LPXN: variants seen among roughly 807,000 people sequenced by gnomAD.
The protein encoded by LPXN is leupaxin.
Under a neutral mutation model 45.6 loss-of-function variants are expected in LPXN, and 28 were observed. The ratio of observed to expected loss-of-function variants is 0.61; its 90% CI spans 0.45 to 0.84. The LOEUF is 0.84. LPXN is among the 40% of genes least tolerant of loss of function. The pLI, the probability that LPXN is intolerant of heterozygous loss-of-function variation, is 0.00. For missense variants in LPXN, 459 were observed against 475.0 expected (o/e 0.97, Z 0.31); for synonymous variants, 166 against 169.9 (o/e 0.98, Z 0.18).
At chr11:58,559,827 G>C (rs1399739190) in intron 3 of LPXN, among the ~76,000 whole-genome samples, 2 of 152,158 alleles carry the variant, frequency 1.3e-5, no homozygotes, top group African/African-American at 4.8e-5. Flanking sequence ...AGTGAGCCAA[G>C]ATAACACCAC....
upstream of LPXN, chr11:58,578,077 G>A (rs1854961872): frequency 6.5e-7 from 1 of 1,549,450 alleles, no homozygotes; most frequent in South Asian, 1.2e-5. Flanking sequence ...CAGAGGAGGT[G>A]TCATCTGACC....
chr11:58,537,619 C>T (rs533544135), intron 7 of LPXN, among the ~76,000 whole-genome samples: 1 of 152,116 alleles, frequency 6.6e-6, no homozygotes, highest in African/African-American at 2.4e-5. Context: ...TGTAACAAAC[C>T]TGCACATTCT....
At chr11:58,528,007 T>C (rs1158846163) in intron 8 of LPXN, 36 bp downstream of exon 8, 2 of 1,596,852 alleles carry the variant, frequency 1.3e-6, no homozygotes, top group Non-Finnish European at 1.7e-6. Context: ...AACCCTTGAC[T>C]TTCCCTAAGT....
intron 3 of LPXN, among the ~76,000 whole-genome samples, chr11:58,555,988 G>C (rs973017222): frequency 1.3e-4 from 20 of 152,052 alleles, no homozygotes; most frequent in African/African-American, 4.3e-4. Flanking sequence ...AACAAAAACT[G>C]ACAGTTTTTG....
In LPXN at chr11:58,550,241, C is replaced by T. The variant is rs1003726393; in HGVS notation, c.487-95G>A. 4.3e-6 allele frequency: 5 copies of T among 1,154,160 alleles called. No homozygotes were observed. In the African/African-American group the frequency reaches 4.6e-5, roughly 11 times the overall value. 71.5% of individuals were successfully genotyped at this position (1,154,160 alleles called of 1,614,324 possible). A position where few individuals can be genotyped will look rare whatever the true frequency, so the allele number is the denominator to read the frequency against. On this transcript the variant is annotated intron_variant, in intron 5 of 8. Transcript: ENST00000395074. ...CTAGGGAGCACTCTTCACATTGTACCCCTTGTAGACAACACGCCCTGGAAT... is the reference window on the plus strand; with the variant it reads ...CTAGGGAGCACTCTTCACATTGTACTCCTTGTAGACAACACGCCCTGGAAT...
chr11:58,574,580 A>G (rs1854819332), intron 1 of LPXN, among the ~76,000 whole-genome samples: 1 of 152,106 alleles, frequency 6.6e-6, no homozygotes, highest in South Asian at 2.1e-4. Context: ...CCCCAAAAAA[A>G]AGAAAGAGAA....
At chr11:58,529,831 G>A (rs1196406393) in intron 7 of LPXN, among the ~76,000 whole-genome samples, 5 of 152,146 alleles carry the variant, frequency 3.3e-5, no homozygotes, top group Admixed American at 3.3e-4. Flanking sequence ...TCCAACTGAG[G>A]TAACCGGTTC....
At chr11:58,552,876 T>C (rs528968754) in intron 4 of LPXN, among the ~76,000 whole-genome samples, 2 of 152,322 alleles carry the variant, frequency 1.3e-5, no homozygotes, top group South Asian at 4.1e-4. Context: ...CTCTTCACTG[T>C]TATCTTCCAG....
chr11:58,565,940 G>T (rs1854515491), intron 2 of LPXN, among the ~76,000 whole-genome samples: 1 of 152,166 alleles, frequency 6.6e-6, no homozygotes, highest in Admixed American at 6.5e-5. Context: ...GGAGGTTGCA[G>T]CGAGCCAAGA....
chr11:58,537,478 A>G (rs1008319784), intron 7 of LPXN, among the ~76,000 whole-genome samples: 13 of 152,088 alleles, frequency 8.5e-5, no homozygotes, highest in African/African-American at 3.1e-4. Context: ...ACATGGCCAC[A>G]GGGAGGGGAA....
chr11:58,539,693 C>T (rs998489688), intron 7 of LPXN, among the ~76,000 whole-genome samples: 1 of 152,106 alleles, frequency 6.6e-6, no homozygotes, highest in African/African-American at 2.4e-5. Context: ...TTAGTCTCCA[C>T]TGGATATTGT....
At position 58,554,992 on chromosome 11, in the gene LPXN, G is replaced by A. The variant is rs376725144; in HGVS notation, c.219-52C>T. 1.3e-5 allele frequency: 15 copies of A among 1,161,468 alleles called. No homozygotes were observed. In the African/African-American group the frequency reaches 1.7e-4, roughly 13 times the overall value. The allele number at this position is 1,161,468 out of a possible 1,614,324, so 71.9% of individuals were successfully genotyped here. On this transcript the variant is annotated intron_variant, in intron 3 of 8. Coordinates refer to ENST00000395074, the MANE Select transcript of LPXN (RefSeq NM_004811.3). ...ATGAACAAATCAAAACTCAAATAAT[G>A]TTAAACCACACATAAAGTACTGGAA...
intron 7 of LPXN, among the ~76,000 whole-genome samples, chr11:58,536,089 G>A (rs980126411): frequency 6.6e-6 from 1 of 152,170 alleles, no homozygotes; most frequent in Non-Finnish European, 1.5e-5. Flanking sequence ...ACTGCCCAAA[G>A]TAATTTATGC....
At chr11:58,576,483 G>A (rs1318145184), upstream of LPXN, among the ~76,000 whole-genome samples, 1 of 152,136 alleles carries the variant, frequency 6.6e-6, no homozygotes, top group African/African-American at 2.4e-5. Flanking sequence ...CATAATCCCT[G>A]CCTAGATACA....
chr11:58,527,043 G>T lies in LPXN; in HGVS notation c.*411C>A. 5.9e-6 allele frequency: 1 copy of T among 169,386 alleles called. No homozygotes were observed. The allele number at this position is 169,386 out of a possible 1,614,324, so 10.5% of individuals were successfully genotyped here. ...GTAAGACAGTGAGCCACAGGGAAAT[G>T]GGAAAACGTGAAAAGAAACAAGTAT... On this transcript the variant is annotated 3_prime_UTR_variant, in exon 9 of 9. Transcript: ENST00000395074.
intron 7 of LPXN, among the ~76,000 whole-genome samples, chr11:58,538,648 A>G (rs571379811): frequency 1.6e-4 from 25 of 152,264 alleles, no homozygotes; most frequent in African/African-American, 5.3e-4. Flanking sequence ...CTTACCATAT[A>G]CACATGAAAA....
intron 3 of LPXN, among the ~76,000 whole-genome samples, chr11:58,561,134 TTCTC>T (rs140759936): frequency 0.027 from 4,078 of 150,832 alleles, 180 homozygotes; most frequent in African/African-American, 0.093. Flanking sequence ...CTCAAGCCTT[TTCTC>T]TCTCTCTCTC....
intron 7 of LPXN, among the ~76,000 whole-genome samples, chr11:58,539,194 C>T (rs1853643349): frequency 6.6e-6 from 1 of 152,084 alleles, no homozygotes; most frequent in Non-Finnish European, 1.5e-5. Context: ...TCTGTAGTGC[C>T]AGCTACTCAG....
chr11:58,542,269 G>A (rs1853751696), intron 7 of LPXN, among the ~76,000 whole-genome samples: 1 of 151,878 alleles, frequency 6.6e-6, no homozygotes, highest in Non-Finnish European at 1.5e-5. Flanking sequence ...AAACAATGAA[G>A]TTGTAATTTT....
Sources: gnomAD v4.1 joint callset for allele counts (sites outside exome capture counted in the v4.1 genomes callset) on GRCh38, gnomAD v4.1.1 for gene constraint, MANE v1.5 for transcripts, NCBI Gene and HGNC (gene_info 2026-07-23, HGNC 2026-07-21) for gene names.